STRN: variants seen among roughly 807,000 people sequenced by gnomAD.
The protein encoded by STRN is striatin.
In STRN, 53 loss-of-function variants were observed where a neutral mutation model predicts 96.3. The ratio of observed to expected loss-of-function variants is 0.55; its 90% confidence interval spans 0.44 to 0.69. STRN has a LOEUF of 0.69. Among genes scored for constraint, STRN ranks in the 30% least tolerant of loss-of-function variants. STRN has a pLI of 0.00. For missense variants in STRN, 987 were observed against 963.9 expected, an observed-to-expected ratio of 1.02 and a Z score of -0.32; for synonymous variants, 428 against 355.9, an observed-to-expected ratio of 1.20 and a Z score of -2.28.
intron 3 of STRN, among the ~76,000 whole-genome samples, chr2:36,912,382 C>T (rs911117983): frequency 6.6e-6 from 1 of 152,176 alleles, no homozygotes; most frequent in African/African-American, 2.4e-5. Flanking sequence ...TCTGCCCTCA[C>T]CTCTCTCCTT....
intron 1 of STRN, among the ~76,000 whole-genome samples, chr2:36,927,039 T>C (rs1322279953): frequency 6.6e-6 from 1 of 152,130 alleles, no homozygotes; most frequent in Non-Finnish European, 1.5e-5. Context: ...GCAATCAAAC[T>C]TTGAAGGTAA....
chr2:36,899,496 T>G (rs1209335860), intron 6 of STRN, 27 bp downstream of exon 6: 4 of 1,593,082 alleles, frequency 2.5e-6, no homozygotes, highest in Non-Finnish European at 3.4e-6. Context: ...CTAAAAATAT[T>G]TATATTGTAT....
chr2:36,907,949 A>C (rs1040998782), intron 3 of STRN, among the ~76,000 whole-genome samples: 3 of 152,170 alleles, frequency 2.0e-5, no homozygotes, highest in Non-Finnish European at 4.4e-5. Flanking sequence ...TCCAAAAAGA[A>C]GCTAATTACT....
At chr2:36,892,849 T>C (rs1669435653) in intron 7 of STRN, among the ~76,000 whole-genome samples, 2 of 152,052 alleles carry the variant, frequency 1.3e-5, no homozygotes, top group Admixed American at 6.5e-5. Context: ...GGTGAAACCC[T>C]GTTACTACTA....
At chr2:36,850,974 A>C in intron 16 of STRN, 26 bp downstream of exon 16, 2 of 1,535,144 alleles carry the variant, frequency 1.3e-6, no homozygotes, top group Non-Finnish European at 1.8e-6. Flanking sequence ...TGCTTTAATA[A>C]AAATCAATTC....
At chr2:36,947,959 T>C (rs1375064864) in intron 1 of STRN, among the ~76,000 whole-genome samples, 1 of 151,976 alleles carries the variant, frequency 6.6e-6, no homozygotes, top group Non-Finnish European at 1.5e-5. Context: ...TCCAAGGCAG[T>C]ACTACTTTGG....
chr2:36,900,770 G>A (rs1019423918), intron 5 of STRN, among the ~76,000 whole-genome samples: 1 of 152,080 alleles, frequency 6.6e-6, no homozygotes, highest in African/African-American at 2.4e-5. Context: ...GCGCATGCCT[G>A]TAGTCTCGGC....
Position 36,849,448 on chromosome 2 carries a change from G to A in STRN, c.*8C>T. The A allele has an allele frequency of 6.2e-7, 1 of 1,613,708 alleles. No individual in the cohort carries two copies. The highest frequency in any genetic ancestry group is 1.7e-5 in the Admixed American group (1 of 59,922). On this transcript the variant is annotated 3_prime_UTR_variant, in exon 18 of 18. Coordinates refer to ENST00000263918, the MANE Select transcript of STRN (RefSeq NM_003162.4). ...TAAACAGCTAGAAGGTGAAGATGAT[G>A]CATTGCGTCATACAAAGACTTTAGC... is the stretch of plus-strand genomic sequence containing the variant.
chr2:36,881,073 C>G (rs1049971087), intron 9 of STRN, among the ~76,000 whole-genome samples: 15 of 141,302 alleles, frequency 1.1e-4, no homozygotes, highest in Non-Finnish European at 1.5e-4. Flanking sequence ...TACCAAAAAA[C>G]AAAACAAAAC....
At chr2:36,964,518 T>TG (rs1374263448) in intron 1 of STRN, among the ~76,000 whole-genome samples, 1 of 152,126 alleles carries the variant, frequency 6.6e-6, no homozygotes. Flanking sequence ...AAAGAAGACT[T>TG]GCAAATATCA....
chr2:36,841,767 G>A lies in STRN; in HGVS notation c.*7689C>T, dbSNP rs1667957677. On this transcript the variant is annotated 3_prime_UTR_variant, in exon 18 of 18. Transcript: ENST00000263918. ...ACTATTTCCTCTGACACTTTGCCAT[G>A]GGGCTCTAGGATACTTTTGATATAT... The A allele has an allele frequency of 6.6e-6, 1 of 152,160 alleles. No homozygotes were observed. The highest frequency in any genetic ancestry group is 6.5e-5 in the Admixed American group (1 of 15,276). 9.4% of individuals were successfully genotyped at this position (152,160 alleles called of 1,614,324 possible).
Position 36,838,192 on chromosome 2 carries a change from G to A in STRN, c.*11264C>T, listed in dbSNP as rs1482141095. Among the ~76,000 whole-genome samples, 1 of 152,330 alleles carries A rather than the reference G, an allele frequency of 6.6e-6. No homozygotes were observed. Among genetic ancestry groups the A allele is most frequent in the South Asian group, 2.1e-4 (1 of 4,818 alleles). On this transcript the variant is annotated 3_prime_UTR_variant, in exon 18 of 18. Transcript: ENST00000263918. ...AAGCTTTGAAGGTGGAAGGGACCAC[G>A]TGCAAGGACCACGGAGCAACCTCTA...
Position 36,869,595 on chromosome 2 carries a change from T to C in STRN, c.1458A>G (p.Thr486=). ...PVLITASEDH[T]LKMWNLQKTA... Reference sequence around the variant, plus strand: ...TTTTCTGTAAATTCCACATTTTTAATGTGTGATCCTCTGATGCTGTTATCA... The same window carrying C: ...TTTTCTGTAAATTCCACATTTTTAACGTGTGATCCTCTGATGCTGTTATCA... The change falls in exon 11 of 18, where the codon ACA becomes ACG. Residue 486 remains threonine (T), a synonymous_variant. Transcript: ENST00000263918. 6.3e-7 allele frequency: 1 copy of C among 1,598,474 alleles called. No homozygotes were observed. Among genetic ancestry groups the C allele is most frequent in the South Asian group, 1.1e-5 (1 of 87,952 alleles).
intron 3 of STRN, among the ~76,000 whole-genome samples, chr2:36,907,419 C>G (rs1031640932): frequency 1.3e-5 from 2 of 152,000 alleles, no homozygotes; most frequent in Non-Finnish European, 2.9e-5. Flanking sequence ...CGTGGTGGCA[C>G]ATGCCTGTTT....
chr2:36,910,822 C>A (rs566560885), intron 3 of STRN, among the ~76,000 whole-genome samples: 1 of 152,060 alleles, frequency 6.6e-6, no homozygotes, highest in Non-Finnish European at 1.5e-5. Flanking sequence ...AAATAACTAC[C>A]TGGCTTCTAA....
intron 8 of STRN, among the ~76,000 whole-genome samples, chr2:36,884,431 CTGTT>C (rs1341424399): frequency 6.6e-6 from 1 of 152,130 alleles, no homozygotes; most frequent in African/African-American, 2.4e-5. Flanking sequence ...AGTAACATCC[CTGTT>C]TGTTTAAATT....
chr2:36,891,427 G>A (rs1230178181), intron 7 of STRN, among the ~76,000 whole-genome samples: 2 of 152,168 alleles, frequency 1.3e-5, no homozygotes, highest in African/African-American at 4.8e-5. Context: ...TCTGGAGGCT[G>A]AGGCAGGGAA....
At chr2:36,892,381 CAAG>C (rs1467892276) in intron 7 of STRN, among the ~76,000 whole-genome samples, 4 of 151,664 alleles carry the variant, frequency 2.6e-5, no homozygotes, top group African/African-American at 9.7e-5. Flanking sequence ...GCAATATACC[CAAG>C]TAACAAACCT....
chr2:36,949,695 G>T (rs981430401), intron 1 of STRN, among the ~76,000 whole-genome samples: 12 of 152,174 alleles, frequency 7.9e-5, no homozygotes, highest in Admixed American at 7.2e-4. Context: ...TTTCTAGAAA[G>T]GGTAAACTGG....
Sources: allele counts gnomAD v4.1 joint callset (sites outside exome capture counted in the v4.1 genomes callset), GRCh38; gene constraint gnomAD v4.1.1; transcripts MANE v1.5; gene names NCBI Gene and HGNC (gene_info 2026-07-23, HGNC 2026-07-21).